The following ARB2A variants were observed in gnomAD, a reference collection of about 807,000 sequenced individuals.
The protein encoded by ARB2A is ARB2 cotranscriptional regulator A, also known as cotranscriptional regulator ARB2A.
chr5:93,753,017 T>C, the ARB2A span, among the ~76,000 whole-genome samples: 1 of 152,198 alleles, frequency 6.6e-6, no homozygotes, highest in Non-Finnish European at 1.5e-5. Flanking sequence ...GAATATCTTC[T>C]GACTGCAAAG....
chr5:93,618,611 G>C, the ARB2A span: 1 of 152,072 alleles, frequency 6.6e-6, no homozygotes, highest in Non-Finnish European at 1.5e-5. Context: ...ATAATCAACA[G>C]GTTAAAAAAT....
chr5:93,621,091 G>A, the ARB2A span: 25 of 1,612,158 alleles, frequency 1.6e-5, 1 homozygote, highest in East Asian at 5.1e-4. Context: ...AAAATAGACG[G>A]AAAGCTCTTC....
chr5:93,668,956 C>G, the ARB2A span, among the ~76,000 whole-genome samples: 1 of 152,182 alleles, frequency 6.6e-6, no homozygotes, highest in Non-Finnish European at 1.5e-5. Context: ...ATTTTGTTCA[C>G]AAGAGCAAGC....
the ARB2A span, among the ~76,000 whole-genome samples, chr5:94,081,434 C>T: frequency 6.6e-6 from 1 of 152,192 alleles, no homozygotes; most frequent in African/African-American, 2.4e-5. Context: ...CAAGTTGAAA[C>T]AACCTGACTG....
the ARB2A span, among the ~76,000 whole-genome samples, chr5:93,770,644 G>A: frequency 6.6e-6 from 1 of 152,240 alleles, no homozygotes; most frequent in Admixed American, 6.5e-5. Flanking sequence ...AAAATCTCAA[G>A]CATTCTTATA....
At chr5:93,751,844 G>GT in the ARB2A span, among the ~76,000 whole-genome samples, 10 of 152,280 alleles carry the variant, frequency 6.6e-5, no homozygotes, top group South Asian at 2.1e-3. Flanking sequence ...GGCTGAGAGG[G>GT]TTTACATGGG....
the ARB2A span, among the ~76,000 whole-genome samples, chr5:93,896,313 A>G: frequency 6.6e-6 from 1 of 152,122 alleles, no homozygotes; most frequent in Admixed American, 6.6e-5. Context: ...TACTGACATG[A>G]CAGACTTTTG....
the ARB2A span, among the ~76,000 whole-genome samples, chr5:93,710,677 C>A: frequency 6.6e-6 from 1 of 152,040 alleles, no homozygotes; most frequent in South Asian, 2.1e-4. Flanking sequence ...ACATAAGGAA[C>A]CAATGTATTT....
chr5:94,021,693 T>C, the ARB2A span, among the ~76,000 whole-genome samples: 8 of 152,198 alleles, frequency 5.3e-5, no homozygotes, highest in Non-Finnish European at 1.2e-4. Context: ...TTGCAGTCCA[T>C]GAGTGCTACC....
the ARB2A span, among the ~76,000 whole-genome samples, chr5:93,972,979 C>T: frequency 2.3e-4 from 35 of 151,582 alleles, 1 homozygote; most frequent in Admixed American, 2.3e-3. Flanking sequence ...GAGACAGTCT[C>T]GCTCTGTTGC....
At chr5:93,854,224 G>T in the ARB2A span, among the ~76,000 whole-genome samples, 2 of 152,188 alleles carry the variant, frequency 1.3e-5, no homozygotes, top group African/African-American at 4.8e-5. Flanking sequence ...ATTTCTTCTA[G>T]ATTTTCTAGT....
chr5:94,106,403 A>G, the ARB2A span, among the ~76,000 whole-genome samples: 1 of 152,186 alleles, frequency 6.6e-6, no homozygotes, highest in African/African-American at 2.4e-5. Flanking sequence ...CTTTAGAGAA[A>G]TGCAAATCAA....
chr5:93,793,907 C>T, the ARB2A span, among the ~76,000 whole-genome samples: 1 of 152,142 alleles, frequency 6.6e-6, no homozygotes, highest in East Asian at 1.9e-4. Context: ...CAAGTTGGGT[C>T]TAGATGGCTT....
At chr5:93,644,680 A>G in the ARB2A span, among the ~76,000 whole-genome samples, 1 of 152,036 alleles carries the variant, frequency 6.6e-6, no homozygotes, top group African/African-American at 2.4e-5. Context: ...CTTTAATTTC[A>G]TTTTTTAGAG....
chr5:93,945,624 T>C, the ARB2A span, among the ~76,000 whole-genome samples: 1 of 152,002 alleles, frequency 6.6e-6, no homozygotes, highest in Admixed American at 6.6e-5. Context: ...CTCCCAGAAA[T>C]GACTGGAAAT....
the ARB2A span, among the ~76,000 whole-genome samples, chr5:93,985,660 G>A: frequency 6.6e-6 from 1 of 152,180 alleles, no homozygotes; most frequent in African/African-American, 2.4e-5. Flanking sequence ...CCTGACCTCT[G>A]GTGATCTGCC....
chr5:93,765,300 T>C, the ARB2A span, among the ~76,000 whole-genome samples: 1 of 152,162 alleles, frequency 6.6e-6, no homozygotes, highest in African/African-American at 2.4e-5. Context: ...AAAACCCCAT[T>C]GTCTCAGCCC....
the ARB2A span, among the ~76,000 whole-genome samples, chr5:93,828,968 G>T: frequency 2.6e-5 from 4 of 152,034 alleles, no homozygotes; most frequent in Admixed American, 6.6e-5. Flanking sequence ...GTAGAGATGG[G>T]GTTTCGCCAT....
chr5:93,869,926 C>G, the ARB2A span, among the ~76,000 whole-genome samples: 3 of 152,226 alleles, frequency 2.0e-5, no homozygotes, highest in African/African-American at 7.2e-5. Flanking sequence ...CGCCTGCGCC[C>G]AGGTGAAATA....
Sources: gnomAD v4.1 joint callset for allele counts (sites outside exome capture counted in the v4.1 genomes callset) on GRCh38, gnomAD v4.1.1 for gene constraint, MANE v1.5 for transcripts, NCBI Gene and HGNC (gene_info 2026-07-23, HGNC 2026-07-21) for gene names.